The following EPHA3 variants were observed in gnomAD, a reference collection of about 807,000 sequenced individuals.
EPHA3 encodes the protein ephrin type-A receptor 3.
EPHA3 carries 42 observed loss-of-function variants against 107.1 expected under a neutral mutation model. The ratio of observed to expected loss-of-function variants is 0.39; its 90% CI spans 0.31 to 0.51. The LOEUF (loss-of-function observed/expected upper bound fraction) is 0.51, where lower values mean the gene tolerates loss of function less well. EPHA3 is among the 20% of genes least tolerant of loss of function. The pLI is 0.78. For missense variants in EPHA3, 1,183 were observed against 1,211.2 expected (o/e 0.98, Z 0.35); for synonymous variants, 461 against 424.8 (o/e 1.09, Z -1.05).
rs201236308 is a variant in EPHA3 at position 89,359,822 on chromosome 3, CAT to C, written c.1306+17742_1306+17743del. Among the ~76,000 whole-genome samples the C allele has an allele frequency of 5.5e-3, 720 of 129,858 alleles. 13 individuals carry two copies. Among genetic ancestry groups the C allele is most frequent in the African/African-American group, 0.018 (628 of 34,808 alleles). The allele number at this position is 129,858 out of a possible 152,430, so 85.2% of individuals were successfully genotyped here. On this transcript the variant is annotated intron_variant, in intron 5 of 16. Coordinates refer to ENST00000336596, the MANE Select transcript of EPHA3 (RefSeq NM_005233.6). ...ATACACATATATATACATATATATA[CAT>C]ATATATATACATATATATATATGCA...
At chr3:89,154,206 C>T (rs376150346) in intron 2 of EPHA3, among the ~76,000 whole-genome samples, 8 of 151,520 alleles carry the variant, frequency 5.3e-5, no homozygotes, top group African/African-American at 1.9e-4. Flanking sequence ...TATTTATATC[C>T]CCTTTCCTTT....
intron 13 of EPHA3, among the ~76,000 whole-genome samples, chr3:89,437,229 T>C (rs1378891352): frequency 1.3e-5 from 2 of 152,316 alleles, no homozygotes; most frequent in Non-Finnish European, 2.9e-5. Flanking sequence ...TTTGCCGTTA[T>C]TCACTGATAT....
chr3:89,435,566 G>A (rs1298613138), intron 13 of EPHA3, among the ~76,000 whole-genome samples: 2 of 142,070 alleles, frequency 1.4e-5, no homozygotes, highest in Non-Finnish European at 3.0e-5. Context: ...ATACTATATA[G>A]TATATATAAT....
intron 7 of EPHA3, among the ~76,000 whole-genome samples, chr3:89,406,307 C>T (rs1318173423): frequency 6.6e-5 from 10 of 152,102 alleles, no homozygotes; most frequent in South Asian, 6.2e-4. Flanking sequence ...TTCCCCACTC[C>T]GGAATGACTG....
chr3:89,288,394 A>T (rs1234786701), intron 3 of EPHA3, among the ~76,000 whole-genome samples: 1 of 152,144 alleles, frequency 6.6e-6, no homozygotes, highest in African/African-American at 2.4e-5. Context: ...GTTGACATTT[A>T]TAGCCACTTC....
intron 3 of EPHA3, among the ~76,000 whole-genome samples, chr3:89,251,369 A>G (rs1705163713): frequency 6.6e-6 from 1 of 152,224 alleles, no homozygotes; most frequent in South Asian, 2.1e-4. Flanking sequence ...ATAATAACTT[A>G]TAGAAAGTGA....
intron 3 of EPHA3, among the ~76,000 whole-genome samples, chr3:89,320,753 C>A (rs1707023716): frequency 6.6e-6 from 1 of 152,016 alleles, no homozygotes; most frequent in African/African-American, 2.4e-5. Context: ...ATTTGAAAGT[C>A]TTTTATAACT....
intron 2 of EPHA3, among the ~76,000 whole-genome samples, chr3:89,152,793 G>A (rs550269455): frequency 7.9e-5 from 12 of 152,112 alleles, no homozygotes; most frequent in Admixed American, 6.6e-5. Context: ...CTAAATGAAC[G>A]AAGAAATGTA....
intron 3 of EPHA3, among the ~76,000 whole-genome samples, chr3:89,307,879 C>G (rs766966113): frequency 5.9e-5 from 9 of 152,058 alleles, no homozygotes; most frequent in Non-Finnish European, 1.2e-4. Flanking sequence ...GATTGTTTAC[C>G]TTTTTTCCAT....
chr3:89,303,054 G>A (rs910105258), intron 3 of EPHA3, among the ~76,000 whole-genome samples: 1 of 151,680 alleles, frequency 6.6e-6, no homozygotes, highest in Non-Finnish European at 1.5e-5. Flanking sequence ...TACCACCCCT[G>A]GCTAAGTTTT....
chr3:89,163,408 A>G (rs540195018), intron 2 of EPHA3, among the ~76,000 whole-genome samples: 4 of 152,270 alleles, frequency 2.6e-5, no homozygotes, highest in East Asian at 1.9e-4. Flanking sequence ...TAAGGAAATA[A>G]GAAAGCTTTC....
At chr3:89,152,825 A>C (rs1211230922) in intron 2 of EPHA3, among the ~76,000 whole-genome samples, 2 of 152,100 alleles carry the variant, frequency 1.3e-5, no homozygotes, top group Non-Finnish European at 2.9e-5. Flanking sequence ...TGGTGAGGAA[A>C]GTTTGAAAAG....
intron 13 of EPHA3, among the ~76,000 whole-genome samples, chr3:89,438,891 C>G (rs2107544301): frequency 6.6e-6 from 1 of 152,296 alleles, no homozygotes; most frequent in Middle Eastern, 3.4e-3. Flanking sequence ...AAGTCTAGTA[C>G]TTTCTACCCA....
chr3:89,257,193 T>A (rs1218074410), intron 3 of EPHA3, among the ~76,000 whole-genome samples: 4 of 152,214 alleles, frequency 2.6e-5, no homozygotes, highest in African/African-American at 9.6e-5. Flanking sequence ...TTCTAGCAGC[T>A]CAGACCAAAA....
intron 3 of EPHA3, among the ~76,000 whole-genome samples, chr3:89,321,297 C>T (rs1156496423): frequency 6.6e-6 from 1 of 151,824 alleles, no homozygotes; most frequent in African/African-American, 2.4e-5. Context: ...AAGACACTAG[C>T]CAGCTAAACA....
intron 10 of EPHA3, among the ~76,000 whole-genome samples, chr3:89,417,803 G>T (rs1317485466): frequency 2.0e-5 from 3 of 151,388 alleles, no homozygotes; most frequent in Non-Finnish European, 4.4e-5. Flanking sequence ...TATACTGTAT[G>T]CAATACAGTT....
intron 2 of EPHA3, among the ~76,000 whole-genome samples, chr3:89,148,782 A>G (rs1379243516): frequency 1.3e-5 from 2 of 152,010 alleles, no homozygotes; most frequent in Non-Finnish European, 2.9e-5. Flanking sequence ...ATGCATCTGA[A>G]TTATTTTCAA....
chr3:89,210,431 T>G lies in EPHA3; in HGVS notation c.725T>G (p.Met242Arg). 1 of 1,613,374 alleles carries G rather than the reference T, an allele frequency of 6.2e-7. No homozygotes were observed. The highest frequency in any genetic ancestry group is 1.1e-5 in the South Asian group (1 of 91,000). Residue 242 changes from methionine to arginine, a missense_variant, in exon 3 of 17, where the codon ATG (methionine) becomes AGG (arginine). Physicochemically the swap from Met to Arg is moderately conservative, Grantham distance 91 (BLOSUM62 -1). Transcript: ENST00000336596. ...NNSKEEDPPR[M>R]YCSTEGEWLV... ...TCTAAGGAGGAAGATCCTCCAAGGA[T>G]GTACTGCAGTACAGAAGGCGAATGG...
At chr3:89,115,794 G>A (rs1707241318) in intron 1 of EPHA3, among the ~76,000 whole-genome samples, 1 of 152,080 alleles carries the variant, frequency 6.6e-6, no homozygotes, top group Non-Finnish European at 1.5e-5. Context: ...CGGTAACTAA[G>A]CCAAGCCCTC....
Sources: allele counts gnomAD v4.1 joint callset (sites outside exome capture counted in the v4.1 genomes callset), GRCh38; gene constraint gnomAD v4.1.1; transcripts MANE v1.5; gene names NCBI Gene and HGNC (gene_info 2026-07-23, HGNC 2026-07-21).